Variants in PSD4 observed in about 807,000 individuals in gnomAD.
PSD4 encodes the protein pleckstrin and Sec7 domain containing 4, also known as PH and SEC7 domain-containing protein 4.
Under a neutral mutation model 112.5 loss-of-function variants are expected in PSD4, and 59 were observed. That is an observed-to-expected ratio of 0.52 (90% CI 0.43 to 0.65). PSD4 has a LOEUF of 0.65. Ranked by LOEUF, PSD4 falls within the 30% of genes least tolerant of loss-of-function variation. PSD4 has a pLI of 0.00. For synonymous variants in PSD4, 533 were observed against 540.0 expected, an observed-to-expected ratio of 0.99 and a Z score of 0.18; for missense variants, 1,267 against 1,352.6, an observed-to-expected ratio of 0.94 and a Z score of 0.99.
intron 12 of PSD4, 162 bp downstream of exon 12, chr2:113,196,469 T>A: frequency 6.5e-6 from 6 of 926,724 alleles, no homozygotes; most frequent in Non-Finnish European, 7.9e-6. Flanking sequence ...GACCATGTGC[T>A]GGATGCTGTG....
intron 5 of PSD4, among the ~76,000 whole-genome samples, chr2:113,188,398 C>A (rs563322298): frequency 7.3e-5 from 11 of 151,268 alleles, no homozygotes; most frequent in African/African-American, 2.4e-4. Flanking sequence ...CGTGTGCCAC[C>A]ATGCCTGGCT....
Position 113,195,744 on chromosome 2 carries a change from C to T in PSD4, c.2199C>T (p.Ile733=). ...KELLKALYWS[I]RSEKLEWAVD... is the part of the protein sequence containing the mutation. ...TGTTCCAGGCCCTCTACTGGTCTAT[C>T]CGCAGCGAGAAGCTCGAGTGGGCCG... is the stretch of plus-strand genomic sequence containing the variant. Residue 733 remains isoleucine, a synonymous_variant, in exon 11 of 17, where the codon ATC becomes ATT. Transcript: ENST00000245796. 1.2e-6 allele frequency: 2 copies of T among 1,614,214 alleles called. No individual in the cohort carries two copies. Among genetic ancestry groups the T allele is most frequent in the Non-Finnish European group, 1.7e-6 (2 of 1,180,036 alleles).
chr2:113,197,954 T>C (rs1688660648), intron 14 of PSD4, 41 bp downstream of exon 14: 1 of 1,505,550 alleles, frequency 6.6e-7, no homozygotes, highest in African/African-American at 1.4e-5. Flanking sequence ...GGCCTTGCCC[T>C]GCCCTAGTTC....
At chr2:113,185,182 T>C in intron 3 of PSD4, 109 bp downstream of exon 3, 2 of 1,568,942 alleles carry the variant, frequency 1.3e-6, no homozygotes, top group Non-Finnish European at 1.7e-6. Flanking sequence ...GTGGGGCTTC[T>C]CACATCAGGA....
Position 113,206,697 on chromosome 2 carries a change from C to G in PSD4, c.*5282C>G, listed in dbSNP as rs1688867851. 1.3e-5 allele frequency: 2 copies of G among 152,378 alleles called. No homozygotes were observed. Among genetic ancestry groups the G allele is most frequent in the South Asian group, 4.1e-4 (2 of 4,830 alleles). The allele number at this position is 152,378 out of a possible 1,614,324, so 9.4% of individuals were successfully genotyped here. On this transcript the variant is annotated 3_prime_UTR_variant, in exon 17 of 17. Coordinates refer to ENST00000245796, the MANE Select transcript of PSD4 (RefSeq NM_012455.3). ...AAACATCTCAGAACAATGCCTGGCA[C>G]AGAAGGGACACCTGTGAGGTTAGCT...
intron 1 of PSD4, chr2:113,175,349 C>CTG (rs1399303185): frequency 6.6e-6 from 1 of 150,884 alleles, no homozygotes; most frequent in African/African-American, 2.4e-5. Flanking sequence ...TCTTCTCTCT[C>CTG]TCTCTCTCTC....
At chr2:113,193,407 A>T in intron 8 of PSD4, 37 bp downstream of exon 8, 1 of 1,594,078 alleles carries the variant, frequency 6.3e-7, no homozygotes, top group Non-Finnish European at 8.6e-7. Context: ...AAGCAGGGAA[A>T]CTTTGGGGTG....
In PSD4 at chr2:113,192,397, C is replaced by G; in HGVS notation, c.1646C>G (p.Pro549Arg). The G allele has an allele frequency of 6.2e-7, 1 of 1,614,174 alleles. No individual in the cohort carries two copies. Among genetic ancestry groups the G allele is most frequent in the African/African-American group, 1.3e-5 (1 of 75,064 alleles). ...TSAEHENLRT[P>R]MNSSWLPGSP... The stretch of plus-strand genomic sequence containing the variant: ...ATCTCAAGTGAGAATCTGAGGACAC[C>G]GATGAACTCTTCTTGGCTTCCTGGG... The change falls in exon 6 of 17, where the codon CCG becomes CGG. Residue 549 changes from proline to arginine, a missense_variant. Transcript: ENST00000245796.
chr2:113,181,725 C>T (rs1688143276), intron 1 of PSD4, among the ~76,000 whole-genome samples: 1 of 152,212 alleles, frequency 6.6e-6, no homozygotes, highest in African/African-American at 2.4e-5. Context: ...TTGCTGCTTC[C>T]ACCTGGGCCA....
intron 12 of PSD4, 143 bp downstream of exon 12, chr2:113,196,450 C>A: frequency 1.9e-6 from 2 of 1,080,602 alleles, no homozygotes; most frequent in Non-Finnish European, 2.6e-6. Context: ...TCAGTGCGTA[C>A]TGAACAGTGA....
intron 4 of PSD4, 107 bp downstream of exon 4, chr2:113,185,547 A>G (rs1688273798): frequency 6.3e-7 from 1 of 1,595,884 alleles, no homozygotes. Context: ...AATGGGTCCC[A>G]TTATATTGTG....
At position 113,183,292 on chromosome 2, in the gene PSD4, C is replaced by T. The variant is rs1193112010; in HGVS notation, c.836C>T (p.Thr279Ile). ...TCAGACTCCCATGCAGGTGTGAGGACTGGACCTGAGAGCCCAGCGACTCTG... is the reference window on the plus strand; with the variant it reads ...TCAGACTCCCATGCAGGTGTGAGGATTGGACCTGAGAGCCCAGCGACTCTG... ...GASDSHAGVRTGPESPATLEP... is the reference protein window; with the variant it reads ...GASDSHAGVRIGPESPATLEP... Residue 279 changes from threonine to isoleucine, a missense_variant, in exon 2 of 17, where the codon ACT becomes ATT. Transcript: ENST00000245796. 14 of 1,613,472 alleles carry T rather than the reference C, an allele frequency of 8.7e-6. No individual in the cohort carries two copies. Among genetic ancestry groups the T allele is most frequent in the Non-Finnish European group, 1.2e-5 (14 of 1,179,674 alleles).
intron 12 of PSD4, 89 bp downstream of exon 12, chr2:113,196,396 A>ATG (rs71385890): frequency 5.4e-6 from 8 of 1,476,658 alleles, no homozygotes; most frequent in African/African-American, 1.4e-5. Context: ...GTGTGCAGAG[A>ATG]GACAGCCCGC....
rs781636585 is a variant in PSD4 at position 113,201,394 on chromosome 2, G to A, written c.3150G>A (p.Lys1050=). ...GAACCTACCGGAAGATCATCCCTAA[G>A]CGGAACCGCAATCAGCTGTGAAGCC... ...ERRTYRKIIP[K]RNRNQL The change falls in exon 17 of 17, where the codon AAG becomes AAA. Residue 1050 remains lysine, a synonymous_variant. Transcript: ENST00000245796. 2 of 1,614,038 alleles carry A rather than the reference G, an allele frequency of 1.2e-6. No homozygotes were observed. Among genetic ancestry groups the A allele is most frequent in the Non-Finnish European group, 8.5e-7 (1 of 1,180,036 alleles).
chr2:113,201,275 A>G lies in PSD4; in HGVS notation c.3031A>G (p.Lys1011Glu). Residue 1011 changes from lysine to glutamate, a missense_variant, in exon 17 of 17, where the codon AAG becomes GAG. Around this residue, in one of 2 missense-constraint regions of PSD4, gnomAD observed 544 missense variants for 648.6 expected, o/e 0.84. Transcript: ENST00000245796. ...GREAGGTREP[K>E]LSLKKSHSSP... is the part of the protein sequence containing the mutation. ...GGAAGCTGGAGGCACTCGGGAGCCC[A>G]AGCTCAGCCTGAAGAAGTCCCACTC... 6.2e-7 allele frequency: 1 copy of G among 1,614,154 alleles called. No individual in the cohort carries two copies. Among genetic ancestry groups the G allele is most frequent in the South Asian group, 1.1e-5 (1 of 91,084 alleles).
intron 5 of PSD4, among the ~76,000 whole-genome samples, chr2:113,192,089 A>C (rs557237031): frequency 6.6e-6 from 1 of 151,896 alleles, no homozygotes; most frequent in African/African-American, 2.4e-5. Context: ...GGGGCCTCAC[A>C]GGGATGCACC....
intron 6 of PSD4, 66 bp from the exon 7 acceptor site, chr2:113,192,982 C>A: frequency 6.6e-7 from 1 of 1,510,596 alleles, no homozygotes; most frequent in South Asian, 1.2e-5. Flanking sequence ...CCCTGGGGGC[C>A]CCAGTGCATC....
At chr2:113,180,512 G>T (rs12987410) in intron 1 of PSD4, among the ~76,000 whole-genome samples, 3 of 152,122 alleles carry the variant, frequency 2.0e-5, no homozygotes, top group African/African-American at 4.8e-5. Flanking sequence ...CCCTGGACGA[G>T]GCCACCTGGG....
Position 113,201,617 on chromosome 2 carries a change from C to G in PSD4, c.*202C>G. The G allele has an allele frequency of 1.4e-6, 1 of 726,530 alleles. No homozygotes were observed. Among genetic ancestry groups the G allele is most frequent in the South Asian group, 1.9e-5 (1 of 52,330 alleles). 45.0% of individuals were successfully genotyped at this position (726,530 alleles called of 1,614,324 possible). ...TAATATTGCTGTGCTCCCCACCACC[C>G]CCATGGCAGTCCCTCCGCAGCCCCA... is the stretch of plus-strand genomic sequence containing the variant. On this transcript the variant is annotated 3_prime_UTR_variant, in exon 17 of 17. Transcript: ENST00000245796.
Sources: gnomAD v4.1 joint callset for allele counts (sites outside exome capture counted in the v4.1 genomes callset) on GRCh38, gnomAD v4.1.1 for gene constraint, gnomAD v4.1.1 regional missense constraint, MANE v1.5 for transcripts, NCBI Gene and HGNC (gene_info 2026-07-23, HGNC 2026-07-21) for gene names.